The following CRMP1 variants were observed in gnomAD, a reference collection of about 807,000 sequenced individuals.
CRMP1 encodes the protein dihydropyrimidinase-related protein 1.
CRMP1 carries 19 observed loss-of-function variants against 68.3 expected under a neutral mutation model. That is an observed-to-expected ratio of 0.28 (90% CI 0.19 to 0.41). CRMP1 has a LOEUF of 0.41. Among genes scored for constraint, CRMP1 ranks in the 10% least tolerant of loss-of-function variants. CRMP1 has a pLI of 1.00. For synonymous variants in CRMP1, 439 were observed against 399.6 expected (o/e 1.10, Z -1.18); for missense variants, 791 against 967.4 (o/e 0.82, Z 2.42).
At position 5,866,259 on chromosome 4, in the gene CRMP1, G is replaced by A. The variant is rs1280303478; in HGVS notation, c.470+409C>T. On this transcript the variant is annotated intron_variant, in intron 2 of 13. Transcript: ENST00000324989. This position sits in a 1 kb window ranked among gnomAD's most constrained non-coding sequence, Gnocchi z 5.9. ...CCTCAACCCAATTCCAGAAACTGTG[G>A]GTAGGTGGAAGAAAGAGCTGTGAAT... Among the ~76,000 whole-genome samples the A allele has an allele frequency of 6.6e-6, 1 of 152,156 alleles. No individual in the cohort carries two copies. The highest frequency in any genetic ancestry group is 2.4e-5 in the African/African-American group (1 of 41,426).
intron 12 of CRMP1, 39 bp downstream of exon 12, chr4:5,828,450 G>A: frequency 4.4e-6 from 7 of 1,600,862 alleles, no homozygotes; most frequent in Non-Finnish European, 6.0e-6. Flanking sequence ...GTCGGCTCTG[G>A]TCCCACGGGT....
chr4:5,872,649 T>C lies in CRMP1; in HGVS notation c.382-5893A>G, dbSNP rs1714538747. Among the ~76,000 whole-genome samples the C allele has an allele frequency of 6.6e-6, 1 of 152,224 alleles. No homozygotes were observed. Among genetic ancestry groups the C allele is most frequent in the Non-Finnish European group, 1.5e-5 (1 of 68,040 alleles). On this transcript the variant is annotated intron_variant, in intron 1 of 13. Coordinates refer to ENST00000324989, the MANE Select transcript of CRMP1 (RefSeq NM_001014809.3). This position sits in a 1 kb window ranked among gnomAD's most constrained non-coding sequence, Gnocchi z 4.6. ...TTGCAGTGAGCTGAGATCGCACCGC[T>C]GCAGTCCAGCCTGGGCAACAGAGCG...
rs9790594 is a variant in CRMP1 at position 5,872,852 on chromosome 4, A to G, written c.382-6096T>C. Among the ~76,000 whole-genome samples, 114,944 of 152,170 alleles carry G rather than the reference A, an allele frequency of 0.76. 43,658 individuals carry two copies. The highest frequency in any genetic ancestry group is 0.9 in the East Asian group (4,676 of 5,176). ...CAAATCATGTTCTTGTGTCAGCACC[A>G]CTTAAAAGCAAAACGTCCACACTCA... On this transcript the variant is annotated intron_variant, in intron 1 of 13. Transcript: ENST00000324989. The surrounding 1 kb of genome is among the most constrained non-coding windows in gnomAD (Gnocchi z 4.6).
rs71171490 is a variant in CRMP1 at position 5,846,757 on chromosome 4, A to ATTT, written c.963+2632_963+2634dup. Among the ~76,000 whole-genome samples the ATTT allele has an allele frequency of 3.9e-4, 21 of 53,738 alleles. 2 individuals are homozygous for ATTT. The highest frequency in any genetic ancestry group is 2.0e-3 in the African/African-American group (18 of 9,180). 35.3% of individuals were successfully genotyped at this position (53,738 alleles called of 152,430 possible). On this transcript the variant is annotated intron_variant, in intron 6 of 13. Transcript: ENST00000324989. ...AGGCACCCGCCACCATGCCCGGCTA[A>ATTT]TTTTTTTTTTTTTTTTTTTTTTTTT...
In CRMP1 at chr4:5,851,389, G is replaced by A. The variant is rs375351953; in HGVS notation, c.882+19C>T. On this transcript the variant is annotated intron_variant, in intron 5 of 13. Coordinates refer to ENST00000324989, the MANE Select transcript of CRMP1 (RefSeq NM_001014809.3). ...TCCTGCCCAGACAAGAGAGGAGAGA[G>A]TGAGTGTGAGGGACCTACCTGGCTG... is the stretch of plus-strand genomic sequence containing the variant. 76 of 1,611,684 alleles carry A rather than the reference G, an allele frequency of 4.7e-5. No homozygotes were observed. The highest frequency in any genetic ancestry group is 6.5e-5 in the Non-Finnish European group (76 of 1,177,816).
At chr4:5,835,879 C>A in intron 11 of CRMP1, 36 bp downstream of exon 11, 1 of 1,398,326 alleles carries the variant, frequency 7.2e-7, no homozygotes. Context: ...AACGAAGAAT[C>A]ACTTATCTCA....
intron 1 of CRMP1, among the ~76,000 whole-genome samples, chr4:5,884,482 G>GCACACACACACA (rs59746322): frequency 0.14 from 21,641 of 150,024 alleles, 2,230 homozygotes; most frequent in African/African-American, 0.3. Context: ...AACTATGCAT[G>GCACACACACACA]CACACACACA....
intron 1 of CRMP1, chr4:5,887,610 G>C: frequency 1.0e-6 from 1 of 984,972 alleles, no homozygotes; most frequent in Non-Finnish European, 1.2e-6. Context: ...CCCAGCGTCG[G>C]GAACATTAAC....
intron 13 of CRMP1, among the ~76,000 whole-genome samples, chr4:5,823,287 T>C (rs933940051): frequency 6.6e-6 from 1 of 152,242 alleles, no homozygotes; most frequent in Non-Finnish European, 1.5e-5. Flanking sequence ...GTAGTGACTT[T>C]TCTTTTCTCC....
rs1362668934 is a variant in CRMP1, at chr4:5,859,070, A to AC, written c.655+1955dup. On this transcript the variant is annotated intron_variant, in intron 3 of 13. Transcript: ENST00000324989. This position sits in a 1 kb window ranked among gnomAD's most constrained non-coding sequence, Gnocchi z 5.2. ...GTACCCTTCTTTTGTAGCAGGAGTC[A>AC]CAGTTTCTAGTCATACATGTGGACG... Among the ~76,000 whole-genome samples, 1 of 97,636 alleles carries AC rather than the reference A, an allele frequency of 1.0e-5. No individual in the cohort carries two copies. Among genetic ancestry groups the AC allele is most frequent in the Non-Finnish European group, 2.3e-5 (1 of 43,896 alleles). The allele number at this position is 97,636 out of a possible 152,430, so 64.1% of individuals were successfully genotyped here.
chr4:5,888,443 G>A lies in CRMP1; in HGVS notation c.381+4146C>T, dbSNP rs886653848. The stretch of plus-strand genomic sequence containing the variant: ...CGCGGCTGCCCCGGCTGCTCGGCCC[G>A]CCCGCCGCCGCTCCGGCTGCCAGCA... On this transcript the variant is annotated intron_variant, in intron 1 of 13. Coordinates refer to ENST00000324989, the MANE Select transcript of CRMP1 (RefSeq NM_001014809.3). The surrounding 1 kb of genome is among the most constrained non-coding windows in gnomAD (Gnocchi z 6.4). 2 of 1,214,018 alleles carry A rather than the reference G, an allele frequency of 1.6e-6. No homozygotes were observed. Among genetic ancestry groups the A allele is most frequent in the East Asian group, 3.3e-5 (1 of 30,202 alleles). The allele number at this position is 1,214,018 out of a possible 1,614,324, so 75.2% of individuals were successfully genotyped here.
chr4:5,833,224 T>C (rs1720502902), intron 11 of CRMP1, among the ~76,000 whole-genome samples: 1 of 82,202 alleles, frequency 1.2e-5, no homozygotes, highest in Non-Finnish European at 2.5e-5. Flanking sequence ...TGGAGTGCAG[T>C]GGTGGGATCT....
chr4:5,821,884 A>C lies in CRMP1; in HGVS notation c.1970-33T>G, dbSNP rs780200533. 2.7e-6 allele frequency: 4 copies of C among 1,505,816 alleles called. No homozygotes were observed. Among genetic ancestry groups the C allele is most frequent in the Non-Finnish European group, 3.6e-6 (4 of 1,126,150 alleles). The allele number at this position is 1,505,816 out of a possible 1,614,324, so 93.3% of individuals were successfully genotyped here. A position where few individuals can be genotyped will look rare whatever the true frequency, so the allele number is the denominator to read the frequency against. The stretch of plus-strand genomic sequence containing the variant: ...AGAGCGCCAATCGCTGCTGGATGGG[A>C]TCTGTTAGCATCAGTTCCACGCTGC... On this transcript the variant is annotated intron_variant, in intron 13 of 13. Transcript: ENST00000324989. The surrounding 1 kb of genome is among the most constrained non-coding windows in gnomAD (Gnocchi z 4.4).
rs1720873416 is a variant in CRMP1 at position 5,838,462 on chromosome 4, G to A, written c.1310+1060C>T. On this transcript the variant is annotated intron_variant, in intron 9 of 13. Coordinates refer to ENST00000324989, the MANE Select transcript of CRMP1 (RefSeq NM_001014809.3). The surrounding 1 kb of genome is among the most constrained non-coding windows in gnomAD (Gnocchi z 4.9). ...GATGGGTAGGGTGGGGTGGGCCCGT[G>A]TGGAAATAGAAAGTCTTGGTCGGAA... 6.6e-6 allele frequency among the ~76,000 whole-genome samples: 1 copy of A among 152,146 alleles called. No individual in the cohort carries two copies. The highest frequency in any genetic ancestry group is 2.1e-4 in the South Asian group (1 of 4,826).
chr4:5,889,972 G>A lies in CRMP1; in HGVS notation c.381+2617C>T. Reference sequence around the variant, plus strand: ...TACAGAGGTAAAATGATGTACCCCGGGTGCAAAACATATTAGCTGCAGCAA... The same window carrying A: ...TACAGAGGTAAAATGATGTACCCCGAGTGCAAAACATATTAGCTGCAGCAA... On this transcript the variant is annotated intron_variant, in intron 1 of 13. Transcript: ENST00000324989. The surrounding 1 kb of genome is among the most constrained non-coding windows in gnomAD (Gnocchi z 4.5). 2.4e-6 allele frequency: 3 copies of A among 1,245,844 alleles called. No homozygotes were observed. Among genetic ancestry groups the A allele is most frequent in the Middle Eastern group, 6.5e-4 (2 of 3,090 alleles). The allele number at this position is 1,245,844 out of a possible 1,614,324, so 77.2% of individuals were successfully genotyped here.
Position 5,859,150 on chromosome 4 carries a change from T to C in CRMP1, c.655+1876A>G, listed in dbSNP as rs1243561355. ...CCTTGACAACGAGCATCATTCCTGC[T>C]TTTGTTCACCTGGTACAGTGCCTGG... On this transcript the variant is annotated intron_variant, in intron 3 of 13. Coordinates refer to ENST00000324989, the MANE Select transcript of CRMP1 (RefSeq NM_001014809.3). This position sits in a 1 kb window ranked among gnomAD's most constrained non-coding sequence, Gnocchi z 5.2. Among the ~76,000 whole-genome samples the C allele has an allele frequency of 6.6e-6, 1 of 152,224 alleles. No individual in the cohort carries two copies. Among genetic ancestry groups the C allele is most frequent in the Non-Finnish European group, 1.5e-5 (1 of 68,040 alleles).
At position 5,850,376 on chromosome 4, in the gene CRMP1, T is replaced by C. The variant is rs562368458; in HGVS notation, c.883-904A>G. Among the ~76,000 whole-genome samples, 104 of 152,342 alleles carry C rather than the reference T, an allele frequency of 6.8e-4. No homozygotes were observed. Among genetic ancestry groups the C allele is most frequent in the African/African-American group, 2.5e-3 (102 of 41,584 alleles). Reference sequence around the variant, plus strand: ...TATGCCAGCACATCACATGCTATGTTTTCTATGTAACTGAACCAATTTTCA... The same window carrying C: ...TATGCCAGCACATCACATGCTATGTCTTCTATGTAACTGAACCAATTTTCA... On this transcript the variant is annotated intron_variant, in intron 5 of 13. Coordinates refer to ENST00000324989, the MANE Select transcript of CRMP1 (RefSeq NM_001014809.3). The surrounding 1 kb of genome is among the most constrained non-coding windows in gnomAD (Gnocchi z 4.4).
At chr4:5,871,410 C>T (rs1467986853) in intron 1 of CRMP1, among the ~76,000 whole-genome samples, 1 of 152,144 alleles carries the variant, frequency 6.6e-6, no homozygotes, top group Non-Finnish European at 1.5e-5. Context: ...CCTGTAATCC[C>T]AGCACTTTGG....
rs1235646502 is a variant in CRMP1 at position 5,876,654 on chromosome 4, T to G, written c.382-9898A>C. 3.3e-5 allele frequency among the ~76,000 whole-genome samples: 5 copies of G among 152,270 alleles called. No homozygotes were observed. In the East Asian group the frequency reaches 9.7e-4, roughly 29 times the overall value. ...AATGTCAAGGTGGGTTTTGAAAGTT[T>G]TTAGTCCTTTAAAGGCCACATACTC... On this transcript the variant is annotated intron_variant, in intron 1 of 13. Coordinates refer to ENST00000324989, the MANE Select transcript of CRMP1 (RefSeq NM_001014809.3).
Sources: gnomAD v4.1 joint callset for allele counts (sites outside exome capture counted in the v4.1 genomes callset) on GRCh38, gnomAD v4.1.1 for gene constraint, Gnocchi (gnomAD v3.1) non-coding constraint, MANE v1.5 for transcripts, NCBI Gene and HGNC (gene_info 2026-07-23, HGNC 2026-07-21) for gene names.